Variants in UBR2 observed in about 807,000 individuals in gnomAD.
The protein encoded by UBR2 is ubiquitin protein ligase E3 component n-recognin 2.
UBR2 carries 92 observed loss-of-function variants against 247.9 expected under a neutral mutation model. The ratio of observed to expected loss-of-function variants is 0.37; its 90% CI spans 0.31 to 0.44. The LOEUF is 0.44. Ranked by LOEUF, UBR2 falls within the 20% of genes least tolerant of loss-of-function variation. UBR2 has a pLI of 1.00. For synonymous variants in UBR2, 672 were observed against 693.5 expected (o/e 0.97, Z 0.49); for missense variants, 1,613 against 2,112.6 (o/e 0.76, Z 4.64).
chr6:42,615,042 T>A, intron 8 of UBR2, 29 bp from the exon 9 acceptor site: 1 of 1,578,450 alleles, frequency 6.3e-7, no homozygotes, highest in Non-Finnish European at 8.7e-7. Flanking sequence ...GAAGTTGCTA[T>A]CTCATTCTAC....
rs148637585 is a variant in UBR2 at position 42,625,705 on chromosome 6, C to T, written c.1282-6847C>T. Among the ~76,000 whole-genome samples the T allele has an allele frequency of 4.5e-3, 683 of 152,290 alleles. 2 individuals are homozygous for T. Among genetic ancestry groups the T allele is most frequent in the African/African-American group, 0.014 (566 of 41,568 alleles). ...CCTCATGTGATCTGCCTACCTCAACCTCCCAAAGTGCTGGATTACAGACAT... is the reference window on the plus strand; with the variant it reads ...CCTCATGTGATCTGCCTACCTCAACTTCCCAAAGTGCTGGATTACAGACAT... On this transcript the variant is annotated intron_variant, in intron 11 of 46. Coordinates refer to ENST00000372901, the MANE Select transcript of UBR2 (RefSeq NM_001363705.2).
chr6:42,670,356 TAAA>T (rs1798358036), intron 35 of UBR2, 116 bp downstream of exon 35: 1 of 1,311,408 alleles, frequency 7.6e-7, no homozygotes, highest in South Asian at 1.5e-5. Flanking sequence ...GAAGAAATAA[TAAA>T]AAGACTTAGA....
intron 28 of UBR2, 117 bp from the exon 29 acceptor site, chr6:42,658,529 A>G (rs1797575220): frequency 5.1e-6 from 6 of 1,186,782 alleles, no homozygotes; most frequent in Non-Finnish European, 6.9e-6. Context: ...TCTTATTTAA[A>G]TAAGTGAGAT....
intron 42 of UBR2, among the ~76,000 whole-genome samples, chr6:42,681,671 C>T (rs925487356): frequency 1.3e-5 from 2 of 152,170 alleles, no homozygotes; most frequent in African/African-American, 4.8e-5. Context: ...GATAGAGCCA[C>T]TACGGAAGAC....
At chr6:42,602,187 CT>C (rs796532726) in intron 4 of UBR2, among the ~76,000 whole-genome samples, 3,430 of 143,716 alleles carry the variant, frequency 0.024, 113 homozygotes, top group African/African-American at 0.08. Context: ...ATGCCTGGCC[CT>C]TTTTTTTTTT....
chr6:42,583,496 C>G (rs1019079327), intron 2 of UBR2, among the ~76,000 whole-genome samples: 4 of 150,950 alleles, frequency 2.6e-5, no homozygotes, highest in African/African-American at 9.8e-5. Flanking sequence ...ATCCACCCGC[C>G]TAGGCCTTCC....
intron 11 of UBR2, among the ~76,000 whole-genome samples, chr6:42,632,065 A>AT (rs1258390499): frequency 3.2e-4 from 21 of 66,632 alleles, no homozygotes; most frequent in African/African-American, 3.7e-4. Flanking sequence ...TTAAAAAAAA[A>AT]AAAAATATAT....
intron 41 of UBR2, among the ~76,000 whole-genome samples, chr6:42,678,879 G>C (rs777387653): frequency 1.3e-5 from 2 of 152,156 alleles, no homozygotes; most frequent in African/African-American, 2.4e-5. Flanking sequence ...AAACTTCTGT[G>C]TAAATGTTTT....
chr6:42,567,571 A>C (rs1790857523), intron 1 of UBR2, among the ~76,000 whole-genome samples: 1 of 152,166 alleles, frequency 6.6e-6, no homozygotes. Context: ...TCTACTAAAA[A>C]TACAAAAATT....
At position 42,635,919 on chromosome 6, in the gene UBR2, G is replaced by A. The variant is rs187433841; in HGVS notation, c.1674+373G>A. 3.6e-4 allele frequency among the ~76,000 whole-genome samples: 55 copies of A among 152,212 alleles called. 1 individual carries two copies. The highest frequency in any genetic ancestry group is 3.3e-3 in the Admixed American group (50 of 15,296). On this transcript the variant is annotated intron_variant, in intron 14 of 46. Coordinates refer to ENST00000372901, the MANE Select transcript of UBR2 (RefSeq NM_001363705.2). ...AAAATTATTTTGGCCTTCCTTTGGC[G>A]ATAAAGTCTAGATGAGAGCCTGTAT...
chr6:42,594,735 G>T (rs2151919415), intron 4 of UBR2, among the ~76,000 whole-genome samples: 1 of 152,184 alleles, frequency 6.6e-6, no homozygotes, highest in Non-Finnish European at 1.5e-5. Context: ...CATTATCATT[G>T]GTTATGTGAT....
chr6:42,577,435 C>T (rs1004354462), intron 2 of UBR2, among the ~76,000 whole-genome samples: 19 of 152,034 alleles, frequency 1.2e-4, no homozygotes, highest in African/African-American at 4.1e-4. Flanking sequence ...AGAAAAAAGC[C>T]ATCTGGGTGT....
intron 8 of UBR2, among the ~76,000 whole-genome samples, chr6:42,614,196 A>T (rs1287102149): frequency 0.037 from 1,751 of 47,954 alleles, 128 homozygotes; most frequent in African/African-American, 0.1. Flanking sequence ...AAAAAAAAAA[A>T]AAAAAAAAAC....
At position 42,604,497 on chromosome 6, in the gene UBR2, C is replaced by CTTAG. The variant is rs141674819; in HGVS notation, c.662+781_662+784dup. ...ACCTTTTTGGAAATGATGAAAATGA[C>CTTAG]TTAGTACCTCATGATTTTTACTATA... is the stretch of plus-strand genomic sequence containing the variant. On this transcript the variant is annotated intron_variant, in intron 5 of 46. Coordinates refer to ENST00000372901, the MANE Select transcript of UBR2 (RefSeq NM_001363705.2). Among the ~76,000 whole-genome samples, 1,375 of 152,132 alleles carry CTTAG rather than the reference C, an allele frequency of 9.0e-3. 15 individuals carry two copies. The highest frequency in any genetic ancestry group is 0.032 in the African/African-American group (1,312 of 41,460).
At chr6:42,576,675 G>A (rs1395569751) in intron 2 of UBR2, among the ~76,000 whole-genome samples, 2 of 151,848 alleles carry the variant, frequency 1.3e-5, no homozygotes, top group African/African-American at 2.4e-5. Context: ...GACTACAGGC[G>A]CACACTGGCT....
chr6:42,674,607 A>G (rs1010071608), intron 38 of UBR2, among the ~76,000 whole-genome samples: 2 of 151,976 alleles, frequency 1.3e-5, no homozygotes, highest in Non-Finnish European at 2.9e-5. Flanking sequence ...CTAAAAATAC[A>G]AAAAATTAGC....
chr6:42,665,380 C>A, intron 32 of UBR2, 29 bp from the exon 33 acceptor site: 1 of 1,513,536 alleles, frequency 6.6e-7, no homozygotes, highest in Non-Finnish European at 9.1e-7. Flanking sequence ...AATAATAAAA[C>A]ACTAAATACT....
chr6:42,604,411 T>C (rs1793569080), intron 5 of UBR2, among the ~76,000 whole-genome samples: 1 of 152,182 alleles, frequency 6.6e-6, no homozygotes, highest in South Asian at 2.1e-4. Context: ...TGTTTCTTTT[T>C]TGCTTTCTCA....
chr6:42,665,902 A>T (rs1260590269), intron 33 of UBR2, among the ~76,000 whole-genome samples: 1 of 152,106 alleles, frequency 6.6e-6, no homozygotes, highest in Admixed American at 6.6e-5. Flanking sequence ...ACGTAGTATG[A>T]ACAGGATTTA....
Sources: gnomAD v4.1 joint callset for allele counts (sites outside exome capture counted in the v4.1 genomes callset) on GRCh38, gnomAD v4.1.1 for gene constraint, MANE v1.5 for transcripts, NCBI Gene and HGNC (gene_info 2026-07-23, HGNC 2026-07-21) for gene names.